The following ADAMTS12 variants were observed in gnomAD, a reference collection of about 807,000 sequenced individuals.
ADAMTS12 encodes ADAM metallopeptidase with thrombospondin type 1 motif 12, also known as A disintegrin and metalloproteinase with thrombospondin motifs 12.
A neutral mutation model predicts 167.8 loss-of-function variants in ADAMTS12; 118 were observed. The ratio of observed to expected loss-of-function variants is 0.70; its 90% CI spans 0.61 to 0.82. The LOEUF (loss-of-function observed/expected upper bound fraction) is 0.82, where lower values mean the gene tolerates loss of function less well. ADAMTS12 is among the 40% of genes least tolerant of loss of function. ADAMTS12 has a pLI of 0.00. For missense variants in ADAMTS12, 1,916 were observed against 1,998.8 expected (o/e 0.96, Z 0.79); for synonymous variants, 704 against 716.9 (o/e 0.98, Z 0.29).
chr5:33,791,033 G>A (rs1438181298), intron 2 of ADAMTS12, among the ~76,000 whole-genome samples: 1 of 152,016 alleles, frequency 6.6e-6, no homozygotes, highest in Non-Finnish European at 1.5e-5. Context: ...CTCTCATGAT[G>A]AAAGCAATCT....
chr5:33,625,346 G>A (rs1479913264), intron 13 of ADAMTS12, among the ~76,000 whole-genome samples: 2 of 151,694 alleles, frequency 1.3e-5, no homozygotes, highest in South Asian at 2.1e-4. Flanking sequence ...ATAACAATGG[G>A]AAAAAAAGCA....
At chr5:33,815,843 G>T in intron 2 of ADAMTS12, among the ~76,000 whole-genome samples, 1 of 152,124 alleles carries the variant, frequency 6.6e-6, no homozygotes, top group Admixed American at 6.6e-5. Flanking sequence ...GATATTAATG[G>T]AGACCCTCTT....
chr5:33,837,498 G>A, intron 2 of ADAMTS12, among the ~76,000 whole-genome samples: 1 of 152,102 alleles, frequency 6.6e-6, no homozygotes, highest in East Asian at 1.9e-4. Context: ...CTACCACTTG[G>A]TTCCACCAAG....
At chr5:33,827,717 AG>A (rs1748138014) in intron 2 of ADAMTS12, among the ~76,000 whole-genome samples, 1 of 63,948 alleles carries the variant, frequency 1.6e-5, no homozygotes, top group East Asian at 2.9e-4. Context: ...CAAAATAGAT[AG>A]ATAGATAGAT....
intron 3 of ADAMTS12, among the ~76,000 whole-genome samples, chr5:33,729,404 C>T (rs182748649): frequency 7.0e-4 from 106 of 152,340 alleles, no homozygotes; most frequent in Non-Finnish European, 1.2e-3. Context: ...TAGTTGGCTG[C>T]ATCTTATTGG....
intron 2 of ADAMTS12, among the ~76,000 whole-genome samples, chr5:33,809,564 A>T (rs1308393366): frequency 1.3e-5 from 2 of 152,154 alleles, no homozygotes; most frequent in African/African-American, 4.8e-5. Flanking sequence ...GACTTCTTCA[A>T]TCTGAGGATT....
At chr5:33,881,517 G>C (rs1318467721) in intron 1 of ADAMTS12, 37 bp from the exon 2 acceptor site, 1 of 1,584,450 alleles carries the variant, frequency 6.3e-7, no homozygotes, top group African/African-American at 1.4e-5. Context: ...CAGTGAGGGA[G>C]ATTGGTAGTA....
intron 3 of ADAMTS12, among the ~76,000 whole-genome samples, chr5:33,695,665 T>G (rs182227303): frequency 5.0e-4 from 76 of 152,236 alleles, no homozygotes; most frequent in Admixed American, 2.7e-3. Flanking sequence ...AGGCAGAAAG[T>G]AGAATGCTGG....
intron 19 of ADAMTS12, among the ~76,000 whole-genome samples, chr5:33,569,217 T>C (rs191858194): frequency 2.7e-4 from 41 of 152,348 alleles, no homozygotes; most frequent in African/African-American, 8.4e-4. Context: ...TTAAATGTCC[T>C]GGGCTGACAG....
chr5:33,876,236 T>C (rs1404983333), intron 2 of ADAMTS12, among the ~76,000 whole-genome samples: 4 of 152,160 alleles, frequency 2.6e-5, no homozygotes, highest in Non-Finnish European at 4.4e-5. Flanking sequence ...AACTAATATA[T>C]AGATGTAATA....
At chr5:33,766,768 T>C (rs1745549375) in intron 2 of ADAMTS12, among the ~76,000 whole-genome samples, 1 of 152,140 alleles carries the variant, frequency 6.6e-6, no homozygotes, top group Admixed American at 6.5e-5. Flanking sequence ...GAAATGGAAA[T>C]TTAAAATTAT....
intron 2 of ADAMTS12, among the ~76,000 whole-genome samples, chr5:33,804,568 C>T (rs536986805): frequency 7.4e-4 from 113 of 152,332 alleles, no homozygotes; most frequent in African/African-American, 2.6e-3. Flanking sequence ...GTGGCATTCC[C>T]CAACACGTGC....
chr5:33,834,319 G>A (rs749223245), intron 2 of ADAMTS12, among the ~76,000 whole-genome samples: 2 of 152,138 alleles, frequency 1.3e-5, no homozygotes, highest in African/African-American at 2.4e-5. Flanking sequence ...GTGTTTTAGT[G>A]GTGGGATGTG....
chr5:33,750,839 G>A (rs992376184), intron 3 of ADAMTS12, among the ~76,000 whole-genome samples: 3 of 152,188 alleles, frequency 2.0e-5, no homozygotes, highest in Admixed American at 1.3e-4. Flanking sequence ...ACGCAGCTCA[G>A]CAAACTGCAG....
chr5:33,609,092 G>A (rs1038428940), intron 16 of ADAMTS12, among the ~76,000 whole-genome samples: 1 of 152,092 alleles, frequency 6.6e-6, no homozygotes, highest in Non-Finnish European at 1.5e-5. Context: ...AATAATAACA[G>A]CTTTAAAAGT....
chr5:33,571,002 C>T (rs1358954792), intron 19 of ADAMTS12, among the ~76,000 whole-genome samples: 2 of 151,606 alleles, frequency 1.3e-5, no homozygotes, highest in Admixed American at 1.3e-4. Context: ...ACAAAGAAGG[C>T]CATTACATAA....
intron 2 of ADAMTS12, among the ~76,000 whole-genome samples, chr5:33,780,143 C>A (rs1579929376): frequency 6.6e-6 from 1 of 152,014 alleles, no homozygotes; most frequent in African/African-American, 2.4e-5. Context: ...GGAGGGGAAA[C>A]CAACCAAGAA....
intron 3 of ADAMTS12, among the ~76,000 whole-genome samples, chr5:33,724,315 C>T (rs755273925): frequency 6.6e-6 from 1 of 152,166 alleles, no homozygotes; most frequent in Non-Finnish European, 1.5e-5. Context: ...AGGGACCCCA[C>T]ACAGTCATCC....
At chr5:33,534,499 G>A (rs1380257617) in intron 23 of ADAMTS12, among the ~76,000 whole-genome samples, 1 of 152,080 alleles carries the variant, frequency 6.6e-6, no homozygotes, top group Non-Finnish European at 1.5e-5. Context: ...GAAAGGCTGG[G>A]ATATCTCTCA....
Sources: gnomAD v4.1 joint callset for allele counts (sites outside exome capture counted in the v4.1 genomes callset) on GRCh38, gnomAD v4.1.1 for gene constraint, MANE v1.5 for transcripts, NCBI Gene and HGNC (gene_info 2026-07-23, HGNC 2026-07-21) for gene names.